The following C8orf34 variants were observed in gnomAD, a reference collection of about 807,000 sequenced individuals.
The protein encoded by C8orf34 is chromosome 8 open reading frame 34.
C8orf34 carries 65 observed loss-of-function variants against 68.3 expected under a neutral mutation model. The observed-to-expected ratio is 0.95, with a 90% CI of 0.78 to 1.17. The LOEUF (loss-of-function observed/expected upper bound fraction) is 1.17. C8orf34 is among the 50% of genes most tolerant of loss of function. The pLI is 0.00. For synonymous variants in C8orf34, 244 were observed against 241.2 expected, an observed-to-expected ratio of 1.01 and a Z score of -0.11; for missense variants, 664 against 655.4, an observed-to-expected ratio of 1.01 and a Z score of -0.14.
chr8:68,668,802 G>C (rs113166547), intron 8 of C8orf34, among the ~76,000 whole-genome samples: 1 of 152,144 alleles, frequency 6.6e-6, no homozygotes, highest in Non-Finnish European at 1.5e-5. Context: ...AAGATGGAGG[G>C]GGCCTGTGGG....
chr8:68,355,669 A>G (rs2129618928), intron 1 of C8orf34, among the ~76,000 whole-genome samples: 1 of 152,284 alleles, frequency 6.6e-6, no homozygotes, highest in Middle Eastern at 3.4e-3. Context: ...TGGTATCTAT[A>G]GAAAAGATCT....
chr8:68,641,053 T>C (rs1818993556), intron 8 of C8orf34, among the ~76,000 whole-genome samples: 1 of 152,238 alleles, frequency 6.6e-6, no homozygotes, highest in Admixed American at 6.5e-5. Flanking sequence ...AGTGCTGGTC[T>C]AGCAGAAACT....
At chr8:68,480,005 T>G (rs1444547955) in intron 4 of C8orf34, among the ~76,000 whole-genome samples, 2 of 152,224 alleles carry the variant, frequency 1.3e-5, no homozygotes, top group Admixed American at 1.3e-4. Flanking sequence ...ATATGATCTA[T>G]ATCTAGAATA....
intron 8 of C8orf34, among the ~76,000 whole-genome samples, chr8:68,664,818 G>C (rs1819789694): frequency 6.6e-6 from 1 of 151,936 alleles, no homozygotes; most frequent in Admixed American, 6.6e-5. Context: ...TGCTGCCCTG[G>C]GAGATTCATA....
At chr8:68,673,019 G>C (rs780854967) in intron 8 of C8orf34, among the ~76,000 whole-genome samples, 35 of 152,080 alleles carry the variant, frequency 2.3e-4, no homozygotes, top group Non-Finnish European at 4.4e-4. Flanking sequence ...AAATACCCTG[G>C]GACCAGGAGA....
intron 10 of C8orf34, among the ~76,000 whole-genome samples, chr8:68,760,982 G>C (rs1823008607): frequency 6.6e-6 from 1 of 152,206 alleles, no homozygotes; most frequent in Non-Finnish European, 1.5e-5. Flanking sequence ...TTCTACAGCT[G>C]TAAAATAGAA....
intron 3 of C8orf34, among the ~76,000 whole-genome samples, chr8:68,448,371 A>G (rs1232204711): frequency 2.0e-5 from 3 of 152,182 alleles, no homozygotes; most frequent in African/African-American, 4.8e-5. Context: ...TAGCATATGT[A>G]GAATTAATAT....
intron 1 of C8orf34, among the ~76,000 whole-genome samples, chr8:68,397,638 C>A (rs1384791834): frequency 6.6e-6 from 1 of 152,076 alleles, no homozygotes; most frequent in Non-Finnish European, 1.5e-5. Context: ...TAGCACTTGA[C>A]TATATCCTTG....
At chr8:68,802,160 G>A (rs1824347715) in intron 12 of C8orf34, among the ~76,000 whole-genome samples, 1 of 151,986 alleles carries the variant, frequency 6.6e-6, no homozygotes, top group Non-Finnish European at 1.5e-5. Context: ...GAATGGAATG[G>A]TGCAATCTTG....
chr8:68,764,978 G>A (rs1198244282), intron 10 of C8orf34, among the ~76,000 whole-genome samples: 1 of 152,134 alleles, frequency 6.6e-6, no homozygotes, highest in African/African-American at 2.4e-5. Context: ...CGAAGAAGTA[G>A]CATCTGATTT....
intron 5 of C8orf34, among the ~76,000 whole-genome samples, chr8:68,496,357 A>G (rs1813523226): frequency 6.6e-6 from 1 of 152,226 alleles, no homozygotes; most frequent in Non-Finnish European, 1.5e-5. Flanking sequence ...TACACATAAG[A>G]AAATGAAAGC....
intron 5 of C8orf34, among the ~76,000 whole-genome samples, chr8:68,494,946 G>A (rs2129632127): frequency 6.6e-6 from 1 of 151,050 alleles, no homozygotes; most frequent in South Asian, 2.1e-4. Flanking sequence ...ATATTTGTGT[G>A]CGTGTATATG....
intron 5 of C8orf34, among the ~76,000 whole-genome samples, chr8:68,504,782 C>T (rs140585477): frequency 8.4e-4 from 128 of 151,778 alleles, no homozygotes; most frequent in African/African-American, 2.4e-3. Flanking sequence ...TGCATTCAAG[C>T]GATTCTCGTG....
chr8:68,747,134 C>G (rs1437691070), intron 10 of C8orf34, among the ~76,000 whole-genome samples: 1 of 151,884 alleles, frequency 6.6e-6, no homozygotes, highest in Non-Finnish European at 1.5e-5. Flanking sequence ...AGACAAAAAC[C>G]ACATGATTAT....
intron 7 of C8orf34, among the ~76,000 whole-genome samples, chr8:68,559,552 CAT>C (rs1369547780): frequency 2.0e-5 from 3 of 152,056 alleles, no homozygotes; most frequent in Non-Finnish European, 2.9e-5. Context: ...AGAAATGGCA[CAT>C]GAGTCTATGG....
At chr8:68,595,561 A>G (rs900734534) in intron 7 of C8orf34, among the ~76,000 whole-genome samples, 4 of 151,858 alleles carry the variant, frequency 2.6e-5, no homozygotes, top group African/African-American at 9.7e-5. Flanking sequence ...TGTGGGGGGA[A>G]TTTCTTTCTT....
At chr8:68,388,831 C>T (rs1808365469) in intron 1 of C8orf34, among the ~76,000 whole-genome samples, 1 of 151,990 alleles carries the variant, frequency 6.6e-6, no homozygotes, top group Non-Finnish European at 1.5e-5. Flanking sequence ...AAAGTGGTAC[C>T]CCAAAATTTG....
intron 10 of C8orf34, among the ~76,000 whole-genome samples, chr8:68,728,680 A>G (rs531156374): frequency 6.6e-6 from 1 of 152,336 alleles, no homozygotes; most frequent in East Asian, 1.9e-4. Flanking sequence ...TCACAAGGAT[A>G]GCATGGGAAA....
intron 10 of C8orf34, among the ~76,000 whole-genome samples, chr8:68,727,697 TCAA>T (rs1467478132): frequency 2.0e-5 from 3 of 152,204 alleles, no homozygotes; most frequent in Admixed American, 6.5e-5. Flanking sequence ...ACCCACATGC[TCAA>T]CACCACAAAG....
Sources: gnomAD v4.1 joint callset for allele counts (sites outside exome capture counted in the v4.1 genomes callset) on GRCh38, gnomAD v4.1.1 for gene constraint, MANE v1.5 for transcripts, NCBI Gene and HGNC (gene_info 2026-07-23, HGNC 2026-07-21) for gene names.